Variants in CAD observed in about 807,000 individuals in gnomAD.
CAD encodes carbamoyl-phosphate synthetase 2, aspartate transcarbamylase, and dihydroorotase, also known as multifunctional protein CAD.
A neutral mutation model predicts 237.2 loss-of-function variants in CAD; 81 were observed. The observed-to-expected ratio is 0.34, with a 90% CI of 0.29 to 0.41. The LOEUF (loss-of-function observed/expected upper bound fraction) is 0.41. Ranked by LOEUF, CAD falls within the 10% of genes least tolerant of loss-of-function variation. The probability of loss-of-function intolerance (pLI) is 1.00; values close to 1 mark genes in which losing one functional copy is unlikely to be tolerated. For missense variants in CAD, 2,181 were observed against 2,951.7 expected (o/e 0.74, Z 6.05); for synonymous variants, 1,196 against 1,162.8 (o/e 1.03, Z -0.58).
Position 27,240,434 on chromosome 2 carries a change from C to G in CAD, c.5593+73C>G, listed in dbSNP as rs1676260053. The G allele has an allele frequency of 6.6e-7, 1 of 1,510,898 alleles. No individual in the cohort carries two copies. The highest frequency in any genetic ancestry group is 1.4e-5 in the African/African-American group (1 of 73,018). 93.6% of individuals were successfully genotyped at this position (1,510,898 alleles called of 1,614,324 possible). ...CACTTCTTCCCAGTGCCTCGCCTTT[C>G]TCTACTTACATGTCCTCCTCTCCAT... On this transcript the variant is annotated intron_variant, in intron 35 of 43. Transcript: ENST00000264705. This position sits in a 1 kb window ranked among gnomAD's most constrained non-coding sequence, Gnocchi z 4.6.
chr2:27,218,544 C>T (rs1159356234), intron 2 of CAD, among the ~76,000 whole-genome samples: 3 of 152,090 alleles, frequency 2.0e-5, no homozygotes, highest in Non-Finnish European at 4.4e-5. Context: ...AAACTAGGGT[C>T]ACATACTTCT....
rs570916656 is a variant in CAD at position 27,239,677 on chromosome 2, G to A, written c.5395-20G>A. 125 of 1,558,308 alleles carry A rather than the reference G, an allele frequency of 8.0e-5. 2 individuals are homozygous for A. In the South Asian group the frequency reaches 1.4e-3, roughly 18 times the overall value. ...GAGTTCTCTCTGCTCCCTCCTGAGTGCCCTGCCTTCTGCCTGCAGGTTCTG... is the reference window on the plus strand; with the variant it reads ...GAGTTCTCTCTGCTCCCTCCTGAGTACCCTGCCTTCTGCCTGCAGGTTCTG... On this transcript the variant is annotated intron_variant, in intron 33 of 43. Coordinates refer to ENST00000264705, the MANE Select transcript of CAD (RefSeq NM_004341.5). This position sits in a 1 kb window ranked among gnomAD's most constrained non-coding sequence, Gnocchi z 4.0.
At position 27,235,460 on chromosome 2, in the gene CAD, G is replaced by C. The variant is rs771780968; in HGVS notation, c.3969+33G>C. On this transcript the variant is annotated intron_variant, in intron 24 of 43. Coordinates refer to ENST00000264705, the MANE Select transcript of CAD (RefSeq NM_004341.5). The surrounding 1 kb of genome is among the most constrained non-coding windows in gnomAD (Gnocchi z 5.2). ...AATCCAGGAGGGCTTCCCGAGGGCC[G>C]TGGCTCCCTGGGCCAGGGCTGACCT... 6.2e-7 allele frequency: 1 copy of C among 1,606,864 alleles called. No individual in the cohort carries two copies. Among genetic ancestry groups the C allele is most frequent in the Non-Finnish European group, 8.5e-7 (1 of 1,174,476 alleles).
chr2:27,232,566 T>G lies in CAD; in HGVS notation c.2764T>G (p.Trp922Gly). Reference sequence around the variant, plus strand: ...GACAAATTACCTATACCTAACGTATTGGGGCACCACCCATGACCTCACCTT... The same window carrying G: ...GACAAATTACCTATACCTAACGTATGGGGGCACCACCCATGACCTCACCTT... ...AQTNYLYLTY[W>G]GTTHDLTFRT... The change falls in exon 18 of 44, where the codon TGG (tryptophan) becomes GGG (glycine). Residue 922 changes from tryptophan (W) to glycine (G), a missense_variant. Around this residue, in one of 12 missense-constraint regions of CAD, gnomAD observed 385 missense variants for 535.1 expected, o/e 0.72. Coordinates refer to ENST00000264705, the MANE Select transcript of CAD (RefSeq NM_004341.5). This position sits in a 1 kb window ranked among gnomAD's most constrained non-coding sequence, Gnocchi z 4.1. The G allele has an allele frequency of 1.2e-6, 2 of 1,614,204 alleles. No homozygotes were observed. The highest frequency in any genetic ancestry group is 1.7e-6 in the Non-Finnish European group (2 of 1,180,030).
In CAD at chr2:27,240,341, C is replaced by T; in HGVS notation, c.5573C>T (p.Ala1858Val). 3 of 1,614,160 alleles carry T rather than the reference C, an allele frequency of 1.9e-6. No individual in the cohort carries two copies. Among genetic ancestry groups the T allele is most frequent in the East Asian group, 2.2e-5 (1 of 44,880 alleles). The change falls in exon 35 of 44, where the codon GCC becomes GTC. Residue 1858 changes from alanine to valine, a missense_variant. Transcript: ENST00000264705. This position sits in a 1 kb window ranked among gnomAD's most constrained non-coding sequence, Gnocchi z 4.6. ...CATCTGCCGCCCCGAATCCATCGAGCCTCCGACCCAGGTTTGCCAGGTAAG... is the reference window on the plus strand; with the variant it reads ...CATCTGCCGCCCCGAATCCATCGAGTCTCCGACCCAGGTTTGCCAGGTAAG... Reference protein sequence around the residue: ...RFHLPPRIHRASDPGLPAEEP... With the variant: ...RFHLPPRIHRVSDPGLPAEEP...
rs1192544787 is a variant in CAD, at chr2:27,242,003, C to T, written c.5976C>T (p.Leu1992=). The T allele has an allele frequency of 2.5e-6, 4 of 1,613,352 alleles. No individual in the cohort carries two copies. The highest frequency in any genetic ancestry group is 2.2e-5 in the East Asian group (1 of 44,880). ...AAMARLGGAV[L]SFSEATSSVQ... is the part of the protein sequence containing the mutation. The stretch of plus-strand genomic sequence containing the variant: ...TGGCCCGGCTGGGAGGTGCTGTGCT[C>T]AGCTTCTCGGAAGCCACATCGTCCG... The change falls in exon 39 of 44, where the codon CTC becomes CTT. Residue 1992 remains leucine, a synonymous_variant. Transcript: ENST00000264705. The surrounding 1 kb of genome is among the most constrained non-coding windows in gnomAD (Gnocchi z 6.4).
intron 2 of CAD, among the ~76,000 whole-genome samples, chr2:27,219,721 C>G (rs1192551138): frequency 3.9e-5 from 6 of 152,214 alleles, no homozygotes; most frequent in Admixed American, 3.3e-4. Context: ...TCCCGAGTAG[C>G]TGGGATTACA....
rs767696546 is a variant in CAD, at chr2:27,224,481, G to A, written c.1245G>A (p.Ser415=). 46 of 1,613,886 alleles carry A rather than the reference G, an allele frequency of 2.9e-5. No individual in the cohort carries two copies. Among genetic ancestry groups the A allele is most frequent in the African/African-American group, 2.8e-4 (21 of 74,880 alleles). The change falls in exon 9 of 44, where the codon TCG becomes TCA. Residue 415 remains serine (S), a synonymous_variant. Transcript: ENST00000264705. ...GCCAAGCTGGAGAATTTGACTACTC[G>A]GGCTCTCAGGTGAGGCATGTTCCTC... The part of the protein sequence containing the change: ...SIGQAGEFDY[S]GSQAIKALKE...
rs1399594906 is a variant in CAD at position 27,239,355 on chromosome 2, A to G, written c.5278A>G (p.Ile1760Val). 3 of 1,613,804 alleles carry G rather than the reference A, an allele frequency of 1.9e-6. No homozygotes were observed. The highest frequency in any genetic ancestry group is 2.5e-6 in the Non-Finnish European group (3 of 1,179,922). The part of the protein sequence containing the change: ...VEVDLEHEWT[I>V]PSHMPFSKAH... ...GGTGGATCTGGAGCATGAGTGGACA[A>G]TTCCCAGCCACATGCCCTTCTCCAA... Residue 1760 changes from isoleucine (I) to valine (V), a missense_variant, in exon 33 of 44, where the codon ATT (isoleucine) becomes GTT (valine). Ile to Val is a conservative substitution (Grantham distance 29). Around this residue, in one of 12 missense-constraint regions of CAD, gnomAD observed 478 missense variants for 515.0 expected, o/e 0.93. Coordinates refer to ENST00000264705, the MANE Select transcript of CAD (RefSeq NM_004341.5). The surrounding 1 kb of genome is among the most constrained non-coding windows in gnomAD (Gnocchi z 4.0).
At chr2:27,226,397 G>T in intron 13 of CAD, 78 bp downstream of exon 13, 1 of 1,435,044 alleles carries the variant, frequency 7.0e-7, no homozygotes, top group Non-Finnish European at 9.8e-7. Context: ...TGAGGTTGAG[G>T]TCTTTTGGGC....
In CAD at chr2:27,241,838, G is replaced by A. The variant is rs1009587666; in HGVS notation, c.5884-73G>A. On this transcript the variant is annotated intron_variant, in intron 38 of 43. Transcript: ENST00000264705. The surrounding 1 kb of genome is among the most constrained non-coding windows in gnomAD (Gnocchi z 4.6). ...CAGCACCCCTCAAGTGTCAGTTGGG[G>A]TGGTGGTGCCTAGCTGGGGTTTCCC... 8 of 1,232,204 alleles carry A rather than the reference G, an allele frequency of 6.5e-6. No individual in the cohort carries two copies. Among genetic ancestry groups the A allele is most frequent in the Non-Finnish European group, 9.4e-6 (8 of 851,306 alleles). The allele number at this position is 1,232,204 out of a possible 1,614,324, so 76.3% of individuals were successfully genotyped here.
chr2:27,241,990 G>A lies in CAD; in HGVS notation c.5963G>A (p.Gly1988Glu). ...TTTGCAGCAGCCATGGCCCGGCTGG[G>A]AGGTGCTGTGCTCAGCTTCTCGGAA... ...SSFAAAMARL[G>E]GAVLSFSEAT... Residue 1988 changes from glycine (G) to glutamate (E), a missense_variant, in exon 39 of 44, where the codon GGA becomes GAA. Physicochemically the swap from Gly to Glu is moderately conservative, Grantham distance 98. Coordinates refer to ENST00000264705, the MANE Select transcript of CAD (RefSeq NM_004341.5). This position sits in a 1 kb window ranked among gnomAD's most constrained non-coding sequence, Gnocchi z 4.6. 1 of 1,613,470 alleles carries A rather than the reference G, an allele frequency of 6.2e-7. No individual in the cohort carries two copies. The highest frequency in any genetic ancestry group is 8.5e-7 in the Non-Finnish European group (1 of 1,180,024).
In CAD at chr2:27,233,103, T is replaced by A. The variant is rs776014297; in HGVS notation, c.2954T>A (p.Met985Lys). ...GAGACAGTCAGCACCGACTATGACA[T>A]GTGTGATCGACTCTACTTTGATGAG... ...NPETVSTDYD[M>K]CDRLYFDEIS... Residue 985 changes from methionine (M) to lysine (K), a missense_variant, in exon 19 of 44, where the codon ATG becomes AAG. Around this residue, in one of 12 missense-constraint regions of CAD, gnomAD observed 385 missense variants for 535.1 expected, o/e 0.72. Coordinates refer to ENST00000264705, the MANE Select transcript of CAD (RefSeq NM_004341.5). The surrounding 1 kb of genome is among the most constrained non-coding windows in gnomAD (Gnocchi z 6.3). 4.2e-5 allele frequency: 67 copies of A among 1,613,354 alleles called. No individual in the cohort carries two copies. Among genetic ancestry groups the A allele is most frequent in the Non-Finnish European group, 5.7e-5 (67 of 1,179,432 alleles).
intron 11 of CAD, 152 bp from the exon 12 acceptor site, chr2:27,225,553 C>CCCA (rs372884350): frequency 9.5e-5 from 59 of 618,442 alleles, no homozygotes; most frequent in African/African-American, 1.5e-4. Flanking sequence ...TGATCCACCC[C>CCCA]CCCGACCCTC....
chr2:27,242,982 T>C lies in CAD; in HGVS notation c.6480+9T>C. On this transcript the variant is annotated intron_variant, in intron 42 of 43. Transcript: ENST00000264705. This position sits in a 1 kb window ranked among gnomAD's most constrained non-coding sequence, Gnocchi z 6.4. Reference sequence around the variant, plus strand: ...CCCAGGAGTACGAAGCTGTGAGTGCTGGGCTTGAGGAAGAAGCCAGGGCTG... The same window carrying C: ...CCCAGGAGTACGAAGCTGTGAGTGCCGGGCTTGAGGAAGAAGCCAGGGCTG... The C allele has an allele frequency of 1.9e-6, 3 of 1,587,048 alleles. No homozygotes were observed. Among genetic ancestry groups the C allele is most frequent in the African/African-American group, 1.3e-5 (1 of 74,574 alleles).
rs1353399613 is a variant in CAD at position 27,224,173 on chromosome 2, C to T, written c.1108+144C>T. The T allele has an allele frequency of 4.7e-5, 42 of 897,906 alleles. 2 individuals are homozygous for T. The South Asian group carries it at 5.4e-4, about 12-fold the overall frequency. 55.6% of individuals were successfully genotyped at this position (897,906 alleles called of 1,614,324 possible). A position where few individuals can be genotyped will look rare whatever the true frequency, so the allele number is the denominator to read the frequency against. On this transcript the variant is annotated intron_variant, in intron 8 of 43. Transcript: ENST00000264705. ...ATGGGTGGCAACCAACCCAAGATAC[C>T]GTTTAAGCTTCTGTTGAAAGGAACT...
intron 16 of CAD, 62 bp downstream of exon 16, chr2:27,231,642 G>T (rs958044121): frequency 1.8e-5 from 18 of 996,472 alleles, no homozygotes; most frequent in South Asian, 1.4e-5. Flanking sequence ...ATCGCCCCCA[G>T]ACCATGAGCT....
chr2:27,226,020 C>T, intron 12 of CAD, 94 bp downstream of exon 12: 1 of 1,482,988 alleles, frequency 6.7e-7, no homozygotes, highest in Non-Finnish European at 9.4e-7. Flanking sequence ...AGTTGTATGT[C>T]CCTCAGACCC....
rs1416119034 is a variant in CAD at position 27,241,711 on chromosome 2, G to T, written c.5884-200G>T. 6.6e-6 allele frequency among the ~76,000 whole-genome samples: 1 copy of T among 152,178 alleles called. No individual in the cohort carries two copies. The highest frequency in any genetic ancestry group is 2.4e-5 in the African/African-American group (1 of 41,438). The stretch of plus-strand genomic sequence containing the variant: ...CTCGTTCAGACACTTAATGATGGGT[G>T]GTTTTCTGGAGGCAGAGCCTTTAGC... On this transcript the variant is annotated intron_variant, in intron 38 of 43. Coordinates refer to ENST00000264705, the MANE Select transcript of CAD (RefSeq NM_004341.5). This position sits in a 1 kb window ranked among gnomAD's most constrained non-coding sequence, Gnocchi z 4.6.
Sources: allele counts gnomAD v4.1 joint callset (sites outside exome capture counted in the v4.1 genomes callset), GRCh38; gene constraint gnomAD v4.1.1; regional missense constraint gnomAD v4.1.1; non-coding constraint Gnocchi (gnomAD v3.1); transcripts MANE v1.5; gene names NCBI Gene and HGNC (gene_info 2026-07-23, HGNC 2026-07-21).